The following EEA1 variants were observed in gnomAD, a reference collection of about 807,000 sequenced individuals.
The protein encoded by EEA1 is early endosome antigen 1.
A neutral mutation model predicts 209.2 loss-of-function variants in EEA1; 111 were observed. That is an observed-to-expected ratio of 0.53 (90% CI 0.45 to 0.62). EEA1 has a LOEUF of 0.62. Among genes scored for constraint, EEA1 ranks in the 20% least tolerant of loss-of-function variants. The pLI is 0.00. For synonymous variants in EEA1, 536 were observed against 540.6 expected (o/e 0.99, Z 0.12); for missense variants, 1,343 against 1,530.8 (o/e 0.88, Z 2.05).
In EEA1 at chr12:92,828,040, T is replaced by C. The variant is rs1876402016; in HGVS notation, c.1276A>G (p.Thr426Ala). 1 of 1,570,164 alleles carries C rather than the reference T, an allele frequency of 6.4e-7. No individual in the cohort carries two copies. ...INQLHSKLLE[T>A]ERQLGEAHGR... Reference sequence around the variant, plus strand: ...TGAGCTTCCCCTAGTTGGCGCTCTGTCTCCAGAAGTTTGCTATGTAACTTT... The same window carrying C: ...TGAGCTTCCCCTAGTTGGCGCTCTGCCTCCAGAAGTTTGCTATGTAACTTT... The change falls in exon 12 of 29, where the codon ACA (threonine) becomes GCA (alanine). Residue 426 changes from threonine to alanine, a missense_variant. Around this residue, in one of 3 missense-constraint regions of EEA1, gnomAD observed 1,307 missense variants for 1,465.5 expected, o/e 0.89. Transcript: ENST00000322349.
In EEA1 at chr12:92,851,091, A is replaced by G. The variant is rs762866529; in HGVS notation, c.798+20T>C. 3 of 1,611,256 alleles carry G rather than the reference A, an allele frequency of 1.9e-6. No homozygotes were observed. Among genetic ancestry groups the G allele is most frequent in the South Asian group, 2.2e-5 (2 of 90,790 alleles). Reference sequence around the variant, plus strand: ...CACAAGCTAATATGAATCACATTTAAGTACAATGAACTTCATTACCTCTGA... The same window carrying G: ...CACAAGCTAATATGAATCACATTTAGGTACAATGAACTTCATTACCTCTGA... On this transcript the variant is annotated intron_variant, in intron 9 of 28. Coordinates refer to ENST00000322349, the MANE Select transcript of EEA1 (RefSeq NM_003566.4).
intron 2 of EEA1, among the ~76,000 whole-genome samples, chr12:92,886,105 TA>T (rs981724870): frequency 6.7e-6 from 1 of 149,128 alleles, no homozygotes; most frequent in African/African-American, 2.5e-5. Flanking sequence ...AAATATAGAA[TA>T]ATCATATTTG....
rs776336851 is a variant in EEA1, at chr12:92,827,951, C to T, written c.1365G>A (p.Val455=). ...GAGAAAGTTTGAGTTGTAAATCAGCCACTTGTTGTTCTTTATCCATCAACT... is the reference window on the plus strand; with the variant it reads ...GAGAAAGTTTGAGTTGTAAATCAGCTACTTGTTGTTCTTTATCCATCAACT... ...SEKLMDKEQQ[V]ADLQLKLSRL... is the part of the protein sequence containing the mutation. Residue 455 remains valine (V), a synonymous_variant, in exon 12 of 29, where the codon GTG becomes GTA. Coordinates refer to ENST00000322349, the MANE Select transcript of EEA1 (RefSeq NM_003566.4). 1.3e-6 allele frequency: 2 copies of T among 1,586,478 alleles called. No individual in the cohort carries two copies. Among genetic ancestry groups the T allele is most frequent in the East Asian group, 2.3e-5 (1 of 42,622 alleles).
At chr12:92,877,674 G>A (rs1163350328) in intron 2 of EEA1, among the ~76,000 whole-genome samples, 3 of 151,954 alleles carry the variant, frequency 2.0e-5, no homozygotes, top group Non-Finnish European at 2.9e-5. Context: ...GACTACAGGT[G>A]CGTGCCACCA....
rs116771570 is a variant in EEA1 at position 92,779,232 on chromosome 12, C to T, written c.3537G>A (p.Ala1179=). The T allele has an allele frequency of 6.8e-4, 1,086 of 1,608,878 alleles. 9 individuals are homozygous for T. The African/African-American group carries it at 0.012, about 18-fold the overall frequency. ...IQQKLELQGK[A]DSLKAAVEQE... ...GTTCAACAGCTGCCTTCAGGGAGTC[C>T]GCTTTTCCTTGAAGTTCTAATTTCT... The change falls in exon 25 of 29, where the codon GCG becomes GCA. Residue 1179 remains alanine (A), a synonymous_variant. Transcript: ENST00000322349.
chr12:92,923,303 G>C (rs759553302), intron 1 of EEA1, among the ~76,000 whole-genome samples: 2 of 152,104 alleles, frequency 1.3e-5, no homozygotes, highest in South Asian at 4.1e-4. Flanking sequence ...AGCCGAGATT[G>C]CGCCACTGCA....
intron 22 of EEA1, among the ~76,000 whole-genome samples, chr12:92,786,403 G>A (rs1042169962): frequency 3.9e-5 from 6 of 152,028 alleles, no homozygotes; most frequent in Non-Finnish European, 7.4e-5. Context: ...AATCTTGTGT[G>A]GTATTTTTTC....
In EEA1 at chr12:92,929,097, G is replaced by A. The variant is rs1290041420; in HGVS notation, c.-31C>T. The stretch of plus-strand genomic sequence containing the variant: ...AACCACCACCCGGCGCCGCCGCGGT[G>A]ACTCTCCAGACCCTGCGCGGGGCCA... On this transcript the variant is annotated 5_prime_UTR_variant, in exon 1 of 29. Coordinates refer to ENST00000322349, the MANE Select transcript of EEA1 (RefSeq NM_003566.4). 1 of 1,582,082 alleles carries A rather than the reference G, an allele frequency of 6.3e-7. No homozygotes were observed. The highest frequency in any genetic ancestry group is 2.4e-5 in the East Asian group (1 of 41,370).
At chr12:92,917,112 A>G (rs1490316154) in intron 1 of EEA1, among the ~76,000 whole-genome samples, 9 of 143,988 alleles carry the variant, frequency 6.3e-5, no homozygotes, top group South Asian at 4.6e-4. Flanking sequence ...CCAAATCTAC[A>G]TCTGATTGGT....
chr12:92,854,897 T>C (rs994833693), intron 5 of EEA1, among the ~76,000 whole-genome samples: 1 of 152,226 alleles, frequency 6.6e-6, no homozygotes, highest in Non-Finnish European at 1.5e-5. Flanking sequence ...ACCCACTATA[T>C]GGTTAATATA....
chr12:92,822,948 G>A (rs1463329095), intron 13 of EEA1, among the ~76,000 whole-genome samples: 2 of 151,824 alleles, frequency 1.3e-5, no homozygotes, highest in African/African-American at 4.8e-5. Context: ...TGCATCCACC[G>A]CTACCAACCT....
intron 21 of EEA1, among the ~76,000 whole-genome samples, chr12:92,795,372 C>G (rs1165121040): frequency 1.3e-5 from 2 of 152,188 alleles, no homozygotes; most frequent in African/African-American, 4.8e-5. Flanking sequence ...TTTAGTTTCT[C>G]TACGCACTAA....
At chr12:92,880,853 G>A (rs1411116580) in intron 2 of EEA1, among the ~76,000 whole-genome samples, 2 of 152,120 alleles carry the variant, frequency 1.3e-5, no homozygotes, top group Non-Finnish European at 2.9e-5. Context: ...GCCAAGTACA[G>A]CTAAAATTCA....
rs1226711709 is a variant in EEA1 at position 92,883,653 on chromosome 12, TTTC to T, written c.117+7973_117+7975del. On this transcript the variant is annotated intron_variant, in intron 2 of 28. Transcript: ENST00000322349. ...AGCCACATGATTTTCTTAATAATAT[TTTC>T]TTTTCTCTATCTTACTTTATCGTAA... 1.1e-5 allele frequency: 7 copies of T among 611,938 alleles called. No homozygotes were observed. The East Asian group carries it at 1.8e-4, about 16-fold the overall frequency. 37.9% of individuals were successfully genotyped at this position (611,938 alleles called of 1,614,324 possible). A position where few individuals can be genotyped will look rare whatever the true frequency, so the allele number is the denominator to read the frequency against.
chr12:92,924,511 G>A (rs913402602), intron 1 of EEA1, among the ~76,000 whole-genome samples: 1 of 151,928 alleles, frequency 6.6e-6, no homozygotes, highest in African/African-American at 2.4e-5. Flanking sequence ...GCCTGGCTGA[G>A]ACTTTTATAC....
intron 14 of EEA1, among the ~76,000 whole-genome samples, chr12:92,817,288 T>C (rs748191605): frequency 3.4e-5 from 5 of 145,944 alleles, no homozygotes; most frequent in Non-Finnish European, 7.4e-5. Flanking sequence ...TTGCTTAATC[T>C]ATTAAGTACA....
chr12:92,802,777 A>G, intron 18 of EEA1, 43 bp from the exon 19 acceptor site: 7 of 1,394,324 alleles, frequency 5.0e-6, no homozygotes, highest in Non-Finnish European at 6.7e-6. Flanking sequence ...CACATAATTT[A>G]CCACTTCTAA....
intron 3 of EEA1, among the ~76,000 whole-genome samples, chr12:92,864,349 C>T (rs7961900): frequency 0.96 from 145,895 of 152,244 alleles, 69,955 homozygotes; most frequent in East Asian, 1. Context: ...CAAAGTTATA[C>T]CATTGAATGC....
At chr12:92,880,540 TCTCGG>T (rs1808579539) in intron 2 of EEA1, among the ~76,000 whole-genome samples, 1 of 152,162 alleles carries the variant, frequency 6.6e-6, no homozygotes, top group Admixed American at 6.5e-5. Context: ...AGTCATGCAA[TCTCGG>T]CTCACTGTAA....
Sources: allele counts gnomAD v4.1 joint callset (sites outside exome capture counted in the v4.1 genomes callset), GRCh38; gene constraint gnomAD v4.1.1; regional missense constraint gnomAD v4.1.1; transcripts MANE v1.5; gene names NCBI Gene and HGNC (gene_info 2026-07-23, HGNC 2026-07-21).